The following HLCS variants were observed in gnomAD, a reference collection of about 807,000 sequenced individuals.
HLCS encodes the protein biotin--protein ligase.
HLCS carries 53 observed loss-of-function variants against 75.0 expected under a neutral mutation model. The observed-to-expected ratio is 0.71, with a 90% CI of 0.57 to 0.89. HLCS has a LOEUF of 0.89. Among genes scored for constraint, HLCS ranks in the 40% least tolerant of loss-of-function variants. The pLI is 0.00. For missense variants in HLCS, 966 were observed against 1,074.0 expected, an observed-to-expected ratio of 0.90 and a Z score of 1.41; for synonymous variants, 431 against 428.6, an observed-to-expected ratio of 1.01 and a Z score of -0.07.
chr21:36,821,434 C>G (rs1411585921), intron 6 of HLCS, among the ~76,000 whole-genome samples: 1 of 152,216 alleles, frequency 6.6e-6, no homozygotes. Flanking sequence ...TCCGTTCATT[C>G]ACTTATTCAT....
chr21:36,882,882 CA>C (rs2064291004), intron 6 of HLCS, among the ~76,000 whole-genome samples: 7 of 152,284 alleles, frequency 4.6e-5, no homozygotes, highest in Admixed American at 4.6e-4. Context: ...AAGAAAGAGG[CA>C]GGTACAGACT....
At chr21:36,845,036 T>G (rs2062748430) in intron 6 of HLCS, among the ~76,000 whole-genome samples, 1 of 152,200 alleles carries the variant, frequency 6.6e-6, no homozygotes, top group Admixed American at 6.5e-5. Context: ...CAAGCTTACA[T>G]GGACTTGATT....
At chr21:36,979,820 G>A (rs1029964848) in intron 1 of HLCS, among the ~76,000 whole-genome samples, 1 of 151,980 alleles carries the variant, frequency 6.6e-6, no homozygotes, top group African/African-American at 2.4e-5. Flanking sequence ...ACTTTGGGAG[G>A]CAAAAGCGGG....
In HLCS at chr21:36,925,724, C is replaced by A. The variant is rs553130835; in HGVS notation, c.1620+4527G>T. On this transcript the variant is annotated intron_variant, in intron 5 of 10. Transcript: ENST00000674895. ...CCGCCAGCTGCCCCTCCCAGTGAGACCCTGCAGAGCGTGGCAGCCTGTGCT... is the reference window on the plus strand; with the variant it reads ...CCGCCAGCTGCCCCTCCCAGTGAGAACCTGCAGAGCGTGGCAGCCTGTGCT... 8.5e-5 allele frequency among the ~76,000 whole-genome samples: 13 copies of A among 152,292 alleles called. No individual in the cohort carries two copies. In the South Asian group the frequency reaches 2.7e-3, roughly 32 times the overall value.
At chr21:36,907,246 C>T (rs1401000087) in intron 5 of HLCS, among the ~76,000 whole-genome samples, 1 of 152,072 alleles carries the variant, frequency 6.6e-6, no homozygotes, top group African/African-American at 2.4e-5. Flanking sequence ...ACCTTTCTGA[C>T]TTTGGGTAGG....
chr21:36,927,710 T>A (rs1034076979), intron 5 of HLCS, among the ~76,000 whole-genome samples: 1 of 152,234 alleles, frequency 6.6e-6, no homozygotes, highest in Admixed American at 6.5e-5. Context: ...AATTATACTA[T>A]GTGAAACTGA....
chr21:36,845,387 GGAT>G (rs2062763103), intron 6 of HLCS, among the ~76,000 whole-genome samples: 1 of 152,130 alleles, frequency 6.6e-6, no homozygotes, highest in African/African-American at 2.4e-5. Flanking sequence ...CCAGCTGTAC[GGAT>G]GGGACTGCTG....
intron 2 of HLCS, among the ~76,000 whole-genome samples, chr21:36,960,040 C>T (rs2068197419): frequency 6.6e-6 from 1 of 152,064 alleles, no homozygotes; most frequent in Non-Finnish European, 1.5e-5. Flanking sequence ...TTCCAGGTGC[C>T]ACCATGTTCC....
chr21:36,778,116 C>G (rs1319626196), intron 6 of HLCS, among the ~76,000 whole-genome samples: 1 of 151,570 alleles, frequency 6.6e-6, no homozygotes, highest in Non-Finnish European at 1.5e-5. Flanking sequence ...CTACAGGCGC[C>G]CGCCACCACG....
chr21:36,920,718 T>C (rs1432689274), intron 5 of HLCS, among the ~76,000 whole-genome samples: 1 of 152,076 alleles, frequency 6.6e-6, no homozygotes, highest in African/African-American at 2.4e-5. Flanking sequence ...ATTTGGCCAA[T>C]CTGAGACACT....
At chr21:36,820,313 G>C (rs146086596) in intron 6 of HLCS, among the ~76,000 whole-genome samples, 1 of 152,220 alleles carries the variant, frequency 6.6e-6, no homozygotes, top group African/African-American at 2.4e-5. Flanking sequence ...GCCCCCTTCC[G>C]AGTTGAAGGG....
intron 5 of HLCS, among the ~76,000 whole-genome samples, chr21:36,928,478 G>C (rs1191933517): frequency 1.3e-5 from 2 of 152,212 alleles, no homozygotes. Flanking sequence ...GCTGAGGTGG[G>C]AGGATCGCTT....
chr21:36,817,014 C>T (rs868086262), intron 6 of HLCS, among the ~76,000 whole-genome samples: 1 of 152,182 alleles, frequency 6.6e-6, no homozygotes, highest in Non-Finnish European at 1.5e-5. Flanking sequence ...CCCTCTGCCA[C>T]GCCAAGCAAC....
chr21:36,765,478 A>G (rs914921646), intron 7 of HLCS, among the ~76,000 whole-genome samples: 1 of 152,196 alleles, frequency 6.6e-6, no homozygotes, highest in African/African-American at 2.4e-5. Flanking sequence ...AATTCCCAGC[A>G]TATGGTCATG....
At chr21:36,911,197 A>ACG (rs2146399010) in intron 5 of HLCS, among the ~76,000 whole-genome samples, 1 of 152,288 alleles carries the variant, frequency 6.6e-6, no homozygotes, top group Admixed American at 6.5e-5. Flanking sequence ...CCCGTGGAGA[A>ACG]CGCGCTCCAG....
chr21:36,978,559 T>C (rs575702392), intron 1 of HLCS, among the ~76,000 whole-genome samples: 1 of 150,794 alleles, frequency 6.6e-6, no homozygotes, highest in East Asian at 2.0e-4. Flanking sequence ...GCTGGAAGCG[T>C]CCTGATTAAA....
intron 1 of HLCS, among the ~76,000 whole-genome samples, chr21:36,989,915 G>T (rs1175458385): frequency 6.6e-6 from 1 of 151,108 alleles, no homozygotes; most frequent in Non-Finnish European, 1.5e-5. Flanking sequence ...GAACGCCAGC[G>T]GCGCGCGGAG....
rs554623441 is a variant in HLCS, at chr21:36,962,368, T to C, written c.196-198A>G. Among the ~76,000 whole-genome samples, 3 of 152,292 alleles carry C rather than the reference T, an allele frequency of 2.0e-5. No individual in the cohort carries two copies. The South Asian group carries it at 6.2e-4, about 32-fold the overall frequency. On this transcript the variant is annotated intron_variant, in intron 1 of 10. Transcript: ENST00000674895. ...CTGTTTAAGCACCTGCAAAAGCCCA[T>C]CGATGACTCAGGACAGCTTTAATAT... is the stretch of plus-strand genomic sequence containing the variant.
At chr21:36,810,988 A>G (rs1429640478) in intron 6 of HLCS, among the ~76,000 whole-genome samples, 1 of 152,240 alleles carries the variant, frequency 6.6e-6, no homozygotes, top group Non-Finnish European at 1.5e-5. Context: ...GAGACTTAAT[A>G]GTCCACAGTG....
Sources: gnomAD v4.1 joint callset for allele counts (sites outside exome capture counted in the v4.1 genomes callset) on GRCh38, gnomAD v4.1.1 for gene constraint, MANE v1.5 for transcripts, NCBI Gene and HGNC (gene_info 2026-07-23, HGNC 2026-07-21) for gene names.